The following FRMD1 variants were observed in gnomAD, a reference collection of about 807,000 sequenced individuals.
FRMD1 encodes the protein FERM domain containing 1.
Under a neutral mutation model 54.9 loss-of-function variants are expected in FRMD1, and 51 were observed. The ratio of observed to expected loss-of-function variants is 0.93; its 90% CI spans 0.74 to 1.17. The LOEUF is 1.17. FRMD1 is among the 50% of genes most tolerant of loss of function. The probability of loss-of-function intolerance (pLI) is 0.00; values close to 1 mark genes in which losing one functional copy is unlikely to be tolerated. For missense variants in FRMD1, 729 were observed against 743.0 expected (o/e 0.98, Z 0.22); for synonymous variants, 324 against 306.4 (o/e 1.06, Z -0.60).
intron 1 of FRMD1, among the ~76,000 whole-genome samples, chr6:168,092,478 C>T (rs1452322330): frequency 6.6e-6 from 1 of 151,624 alleles, no homozygotes; most frequent in East Asian, 1.9e-4. Flanking sequence ...ATAAGAGAGA[C>T]CCTCCGCCCC....
At chr6:168,057,714 C>T (rs1300019414) in intron 10 of FRMD1, 4 of 231,026 alleles carry the variant, frequency 1.7e-5, no homozygotes, top group East Asian at 3.0e-4. Flanking sequence ...CTATTTTATA[C>T]GGGAGGAAAC....
At chr6:168,089,455 C>G (rs771608440) in intron 1 of FRMD1, among the ~76,000 whole-genome samples, 12 of 152,228 alleles carry the variant, frequency 7.9e-5, no homozygotes, top group Non-Finnish European at 1.6e-4. Flanking sequence ...CGCCTGGGGT[C>G]TGGTCGGCTG....
At chr6:168,062,805 A>G (rs1799820709) in intron 7 of FRMD1, 89 bp downstream of exon 7, 6 of 1,604,836 alleles carry the variant, frequency 3.7e-6, no homozygotes, top group Admixed American at 3.3e-5. Context: ...CGCTGCAGGG[A>G]TGCTACACAG....
chr6:168,081,532 T>C (rs1374033059), upstream of FRMD1: 1 of 1,518,712 alleles, frequency 6.6e-7, no homozygotes, highest in Non-Finnish European at 8.8e-7. Flanking sequence ...GGACGGCTGG[T>C]TTCCATCCTC....
At position 168,061,843 on chromosome 6, in the gene FRMD1, T is replaced by G. The variant is rs924068123; in HGVS notation, c.1009A>C (p.Thr337Pro). 1.9e-6 allele frequency: 3 copies of G among 1,572,280 alleles called. No homozygotes were observed. The African/African-American group carries it at 4.1e-5, about 21-fold the overall frequency. Residue 337 changes from threonine (T) to proline (P), a missense_variant, in exon 8 of 11, where the codon ACT becomes CCT. Transcript: ENST00000283309. ...TCCCGCTGCCGCAGCTGTTGCAGAG[T>G]GGGCCGCACGCGGAGGTGGAGCTGG... ...SHQLHLRVRP[T>P]LQQLRQREEA...
chr6:168,063,295 T>C (rs1486186614), intron 6 of FRMD1, among the ~76,000 whole-genome samples: 1 of 140,302 alleles, frequency 7.1e-6, no homozygotes, highest in East Asian at 2.1e-4. Context: ...CCACGGGGGC[T>C]CCATCCATCC....
rs890309368 is a variant in FRMD1, at chr6:168,059,400, C to T, written c.1343-212G>A. 2.0e-5 allele frequency among the ~76,000 whole-genome samples: 3 copies of T among 152,174 alleles called. No homozygotes were observed. The highest frequency in any genetic ancestry group is 4.4e-5 in the Non-Finnish European group (3 of 68,016). On this transcript the variant is annotated intron_variant, in intron 9 of 10. Transcript: ENST00000283309. This position sits in a 1 kb window ranked among gnomAD's most constrained non-coding sequence, Gnocchi z 4.4. ...CCTTGCTGTGCAGATGCGGGATTAG[C>T]ACGGTGATTCCCGCTGGGTTACAGG... is the stretch of plus-strand genomic sequence containing the variant.
chr6:168,065,360 C>T (rs562911449), intron 4 of FRMD1: 18 of 1,181,014 alleles, frequency 1.5e-5, no homozygotes, highest in Middle Eastern at 3.4e-4. Context: ...AGCCCCAGTG[C>T]AGGAGAGGTG....
rs776417853 is a variant in FRMD1, at chr6:168,079,022, C to A, written c.73G>T (p.Ala25Ser). 4 of 1,612,172 alleles carry A rather than the reference C, an allele frequency of 2.5e-6. No homozygotes were observed. The highest frequency in any genetic ancestry group is 3.4e-6 in the Non-Finnish European group (4 of 1,179,972). ...TNPDTFPPSG[A>S]RCMEPSPERP... ...TCAGGACTGGGTTCCATACATCGCG[C>A]CCCTGAAGGAGGGAACGTGTCAGGG... Residue 25 changes from alanine (A) to serine (S), a missense_variant, in exon 1 of 11, where the codon GCG (alanine) becomes TCG (serine). Transcript: ENST00000283309.
intron 10 of FRMD1, 36 bp from the exon 11 acceptor site, chr6:168,057,375 C>G (rs780712970): frequency 1.9e-6 from 3 of 1,595,814 alleles, no homozygotes; most frequent in Non-Finnish European, 2.5e-6. Flanking sequence ...GCCTGCTGCC[C>G]CCTCTCACTC....
intron 2 of FRMD1, among the ~76,000 whole-genome samples, chr6:168,070,850 C>G (rs543340318): frequency 6.0e-4 from 92 of 152,334 alleles, no homozygotes; most frequent in Non-Finnish European, 1.1e-3. Context: ...CGGCATCTTG[C>G]TGCTGGAAGG....
Position 168,064,863 on chromosome 6 carries a change from G to A in FRMD1, c.648+8C>T, listed in dbSNP as rs1379528070. On this transcript the variant is annotated splice_region_variant and intron_variant, in intron 5 of 10. Transcript: ENST00000283309. ...GCAGTGCTGGGAGGAGGTGGGCCCT[G>A]ACCTTACCCACTGTGGGAAGTAGGA... The A allele has an allele frequency of 8.4e-6, 13 of 1,553,532 alleles. No individual in the cohort carries two copies. The highest frequency in any genetic ancestry group is 3.6e-5 in the South Asian group (3 of 84,126).
At position 168,056,768 on chromosome 6, in the gene FRMD1, A is replaced by T; in HGVS notation, c.*329T>A. The T allele has an allele frequency of 4.8e-6, 1 of 210,024 alleles. No individual in the cohort carries two copies. The highest frequency in any genetic ancestry group is 9.5e-6 in the Non-Finnish European group (1 of 105,410). 13.0% of individuals were successfully genotyped at this position (210,024 alleles called of 1,614,324 possible). ...GCCCAGCTGTGTCACCTTCTCTCCC[A>T]GATTAGGATGGGTGACAGGCTGCCT... On this transcript the variant is annotated 3_prime_UTR_variant, in exon 11 of 11. Coordinates refer to ENST00000283309, the MANE Select transcript of FRMD1 (RefSeq NM_024919.6).
At chr6:168,068,600 T>C (rs886347640) in intron 2 of FRMD1, among the ~76,000 whole-genome samples, 1 of 152,222 alleles carries the variant, frequency 6.6e-6, no homozygotes, top group African/African-American at 2.4e-5. Context: ...GTACTATTTA[T>C]TGTTATTATT....
At chr6:168,080,836 GGCGCT>G (rs1326166822), upstream of FRMD1, among the ~76,000 whole-genome samples, 2 of 151,842 alleles carry the variant, frequency 1.3e-5, no homozygotes, top group Admixed American at 6.5e-5. Context: ...GGTTTGTGCG[GGCGCT>G]GGTGTGTGTG....
intron 1 of FRMD1, among the ~76,000 whole-genome samples, chr6:168,088,111 C>T (rs1472510813): frequency 1.3e-5 from 2 of 152,180 alleles, no homozygotes; most frequent in African/African-American, 2.4e-5. Flanking sequence ...GGGGTTAGGG[C>T]GCTCTTCGTT....
intron 2 of FRMD1, among the ~76,000 whole-genome samples, chr6:168,068,427 C>T (rs1337293205): frequency 2.0e-5 from 3 of 152,238 alleles, no homozygotes; most frequent in Middle Eastern, 3.4e-3. Context: ...GGACTCCCCT[C>T]GGATATCAAA....
At chr6:168,084,468 C>G (rs1250805071), upstream of FRMD1, among the ~76,000 whole-genome samples, 3 of 152,230 alleles carry the variant, frequency 2.0e-5, no homozygotes, top group Non-Finnish European at 4.4e-5. Flanking sequence ...TAGAGGAGAA[C>G]AAATCCCACA....
upstream of FRMD1, among the ~76,000 whole-genome samples, chr6:168,080,814 T>C (rs1467109749): frequency 6.6e-6 from 1 of 151,434 alleles, no homozygotes; most frequent in African/African-American, 2.4e-5. Context: ...GGTGCTGGTG[T>C]GTGCGGGCGC....
Sources: gnomAD v4.1 joint callset for allele counts (sites outside exome capture counted in the v4.1 genomes callset) on GRCh38, gnomAD v4.1.1 for gene constraint, Gnocchi (gnomAD v3.1) non-coding constraint, MANE v1.5 for transcripts, NCBI Gene and HGNC (gene_info 2026-07-23, HGNC 2026-07-21) for gene names.